MYO18B: variants seen among roughly 807,000 people sequenced by gnomAD.
The protein encoded by MYO18B is unconventional myosin-XVIIIb.
Under a neutral mutation model 273.0 loss-of-function variants are expected in MYO18B, and 204 were observed. The observed-to-expected ratio is 0.75, with a 90% CI of 0.67 to 0.84. The LOEUF (loss-of-function observed/expected upper bound fraction) is 0.84. Ranked by LOEUF, MYO18B falls within the 40% of genes least tolerant of loss-of-function variation. MYO18B has a pLI of 0.00. For missense variants in MYO18B, 3,212 were observed against 3,287.6 expected (o/e 0.98, Z 0.56); for synonymous variants, 1,330 against 1,305.7 (o/e 1.02, Z -0.40).
chr22:25,995,799 TTC>T (rs1486966265), intron 40 of MYO18B, among the ~76,000 whole-genome samples: 5 of 152,186 alleles, frequency 3.3e-5, no homozygotes, highest in Non-Finnish European at 7.4e-5. Flanking sequence ...CCAATCTGAA[TTC>T]TTTCTTTCTC....
chr22:26,001,252 G>A (rs1454593973), intron 40 of MYO18B, among the ~76,000 whole-genome samples: 6 of 152,208 alleles, frequency 3.9e-5, no homozygotes, highest in African/African-American at 4.8e-5. Context: ...TTGTAATAGA[G>A]TCTGGCAGAA....
At chr22:25,935,616 C>T (rs2092567514) in intron 34 of MYO18B, among the ~76,000 whole-genome samples, 1 of 151,754 alleles carries the variant, frequency 6.6e-6, no homozygotes, top group Admixed American at 6.6e-5. Flanking sequence ...AACCCTGTGT[C>T]TTAGAAAAAT....
At chr22:25,940,046 T>C (rs949994467) in intron 34 of MYO18B, among the ~76,000 whole-genome samples, 1 of 152,240 alleles carries the variant, frequency 6.6e-6, no homozygotes, top group Non-Finnish European at 1.5e-5. Flanking sequence ...TCTCCTAGGC[T>C]TGTACAGTGC....
At chr22:25,959,438 A>T (rs941215370) in intron 39 of MYO18B, 3 of 151,940 alleles carry the variant, frequency 2.0e-5, no homozygotes, top group African/African-American at 7.3e-5. Context: ...GTGCCTGGCT[A>T]ATTTTTCAAT....
chr22:25,977,658 G>A (rs2093105957), intron 39 of MYO18B, among the ~76,000 whole-genome samples: 1 of 152,192 alleles, frequency 6.6e-6, no homozygotes. Context: ...AAGATGGGGT[G>A]AGGGTGAGAA....
intron 31 of MYO18B, among the ~76,000 whole-genome samples, chr22:25,906,103 A>G (rs556686410): frequency 2.0e-5 from 3 of 152,312 alleles, no homozygotes; most frequent in Admixed American, 6.5e-5. Context: ...AGGCTGACTC[A>G]ACACTTTCAT....
chr22:26,006,037 CTA>C (rs1169979016), intron 42 of MYO18B, among the ~76,000 whole-genome samples: 1 of 152,214 alleles, frequency 6.6e-6, no homozygotes, highest in Non-Finnish European at 1.5e-5. Flanking sequence ...GAACTCCAAA[CTA>C]TGAGGACTTT....
intron 30 of MYO18B, 79 bp from the exon 31 acceptor site, chr22:25,903,552 T>G (rs1448067084): frequency 1.0e-5 from 14 of 1,387,504 alleles, no homozygotes; most frequent in Non-Finnish European, 1.2e-5. Context: ...CCAGCCCCAG[T>G]TGGTTGTAGA....
intron 39 of MYO18B, among the ~76,000 whole-genome samples, chr22:25,977,242 G>A (rs1382938759): frequency 6.6e-6 from 1 of 151,854 alleles, no homozygotes; most frequent in Non-Finnish European, 1.5e-5. Context: ...ATCATCAGTG[G>A]CCTGGATGGC....
intron 25 of MYO18B, among the ~76,000 whole-genome samples, chr22:25,885,647 C>G (rs565659027): frequency 1.2e-4 from 18 of 152,200 alleles, no homozygotes; most frequent in African/African-American, 4.3e-4. Flanking sequence ...TCAGGAGAAT[C>G]ACATTCGAGG....
Position 25,955,330 on chromosome 22 carries a change from G to T in MYO18B, c.6122G>T (p.Arg2041Leu), listed in dbSNP as rs542324409. 2.5e-6 allele frequency: 4 copies of T among 1,613,564 alleles called. No homozygotes were observed. In the South Asian group the frequency reaches 3.3e-5, roughly 13 times the overall value. Residue 2041 changes from arginine (R) to leucine (L), a missense_variant, in exon 39 of 44, where the codon CGG (arginine) becomes CTG (leucine). Physicochemically the swap from Arg to Leu is moderately radical, Grantham distance 102. Transcript: ENST00000335473. ...LKADMEELVQREAEASRRCME... is the reference protein window; with the variant it reads ...LKADMEELVQLEAEASRRCME... ...GCCGACATGGAAGAGCTGGTGCAGC[G>T]GGAGGCAGAGGCCAGCCGGCGGTGC...
In MYO18B at chr22:25,950,353, T is replaced by A; in HGVS notation, c.5749-14T>A. 1 of 1,575,036 alleles carries A rather than the reference T, an allele frequency of 6.3e-7. No individual in the cohort carries two copies. Among genetic ancestry groups the A allele is most frequent in the South Asian group, 1.2e-5 (1 of 85,352 alleles). On this transcript the variant is annotated splice_polypyrimidine_tract_variant and intron_variant, in intron 36 of 43. Coordinates refer to ENST00000335473, the MANE Select transcript of MYO18B (RefSeq NM_032608.7). ...CAGGGTGATATATATACATTTTTTT[T>A]TTTGTCTCACCAGTCTGCTGCTGAC...
intron 21 of MYO18B, among the ~76,000 whole-genome samples, chr22:25,867,922 C>T (rs944066851): frequency 2.2e-4 from 33 of 152,186 alleles, no homozygotes; most frequent in Admixed American, 6.5e-5. Context: ...TGAGCCACCG[C>T]GCCCGGCCAA....
At chr22:25,819,267 C>T (rs1772526817) in intron 12 of MYO18B, among the ~76,000 whole-genome samples, 5 of 152,200 alleles carry the variant, frequency 3.3e-5, no homozygotes, top group Admixed American at 2.6e-4. Context: ...TTTAGAGAGT[C>T]CAGCCAGCAT....
At chr22:26,033,118 A>G (rs998152678), downstream of MYO18B, among the ~76,000 whole-genome samples, 8 of 152,222 alleles carry the variant, frequency 5.3e-5, no homozygotes, top group Non-Finnish European at 8.8e-5. Context: ...CGGAGGGAAC[A>G]GACTCACATT....
At chr22:25,885,896 C>T (rs1339134134) in intron 25 of MYO18B, among the ~76,000 whole-genome samples, 2 of 152,208 alleles carry the variant, frequency 1.3e-5, no homozygotes, top group Non-Finnish European at 2.9e-5. Flanking sequence ...GAGGCATAAC[C>T]TTTCTCCTGG....
intron 11 of MYO18B, among the ~76,000 whole-genome samples, chr22:25,789,058 TTTC>T (rs1264961403): frequency 1.0e-5 from 1 of 98,520 alleles, no homozygotes; most frequent in Non-Finnish European, 2.1e-5. Context: ...TTTTCTTCTC[TTTC>T]TCCTCCTCCT....
intron 33 of MYO18B, among the ~76,000 whole-genome samples, chr22:25,920,788 C>T (rs1377605534): frequency 1.3e-5 from 2 of 152,184 alleles, no homozygotes; most frequent in Non-Finnish European, 2.9e-5. Context: ...TAATAACTCT[C>T]CAGAAGTCCA....
At chr22:25,791,872 C>G (rs1245858683) in intron 11 of MYO18B, among the ~76,000 whole-genome samples, 1 of 152,198 alleles carries the variant, frequency 6.6e-6, no homozygotes, top group Non-Finnish European at 1.5e-5. Context: ...ATCTGTTTTT[C>G]AGAAGAAGTA....
Sources: gnomAD v4.1 joint callset for allele counts (sites outside exome capture counted in the v4.1 genomes callset) on GRCh38, gnomAD v4.1.1 for gene constraint, MANE v1.5 for transcripts, NCBI Gene and HGNC (gene_info 2026-07-23, HGNC 2026-07-21) for gene names.